MPV17L: variants seen among roughly 807,000 people sequenced by gnomAD.
MPV17L encodes the protein mpv17-like protein.
In MPV17L, 24 loss-of-function variants were observed where a neutral mutation model predicts 25.8. That is an observed-to-expected ratio of 0.93 (90% CI 0.67 to 1.31). The LOEUF is 1.31. Among genes scored for constraint, MPV17L ranks in the 50% most tolerant of loss-of-function variants. MPV17L has a pLI of 0.00. For synonymous variants in MPV17L, 102 were observed against 115.3 expected, an observed-to-expected ratio of 0.88 and a Z score of 0.74; for missense variants, 250 against 265.6, an observed-to-expected ratio of 0.94 and a Z score of 0.41.
chr16:15,408,512 T>C lies in MPV17L; in HGVS notation c.*400T>C, dbSNP rs1219212034. On this transcript the variant is annotated 3_prime_UTR_variant, in exon 4 of 4. Transcript: ENST00000396385. ...CAAAAAATAGTTCTTAGAGTGAATT[T>C]TAATTTACATAGAACTCAATCGAAA... is the stretch of plus-strand genomic sequence containing the variant. The C allele has an allele frequency of 1.3e-5, 2 of 157,780 alleles. No homozygotes were observed. Among genetic ancestry groups the C allele is most frequent in the African/African-American group, 4.8e-5 (2 of 41,612 alleles). 9.8% of individuals were successfully genotyped at this position (157,780 alleles called of 1,614,324 possible). A position where few individuals can be genotyped will look rare whatever the true frequency, so the allele number is the denominator to read the frequency against.
intron 1 of MPV17L, chr16:15,399,314 A>G (rs151319233): frequency 4.7e-6 from 2 of 426,176 alleles, no homozygotes; most frequent in Admixed American, 5.4e-5. Flanking sequence ...CCTCCTAATC[A>G]GGGATTGGAA....
In MPV17L at chr16:15,408,115, A is replaced by G; in HGVS notation, c.*3A>G. On this transcript the variant is annotated 3_prime_UTR_variant, in exon 4 of 4. Coordinates refer to ENST00000396385, the MANE Select transcript of MPV17L (RefSeq NM_001128423.2). ...CAGAAGGGTACCCGAAGAAATGAGA[A>G]GTCAAGGACTCTCTTAAAGGGACCA... 1 of 1,583,748 alleles carries G rather than the reference A, an allele frequency of 6.3e-7. No homozygotes were observed. The highest frequency in any genetic ancestry group is 1.1e-5 in the South Asian group (1 of 87,932).
rs115983916 is a variant in MPV17L at position 15,402,337 on chromosome 16, T to C, written c.381+1480T>C. Among the ~76,000 whole-genome samples, 308 of 152,328 alleles carry C rather than the reference T, an allele frequency of 2.0e-3. 2 individuals carry two copies. The highest frequency in any genetic ancestry group is 7.3e-3 in the African/African-American group (303 of 41,588). On this transcript the variant is annotated intron_variant, in intron 2 of 3. Coordinates refer to ENST00000396385, the MANE Select transcript of MPV17L (RefSeq NM_001128423.2). The stretch of plus-strand genomic sequence containing the variant: ...GCATTCATCACAAGGAGGTAAATCT[T>C]TGGGATTACAGAATGTTCGCAGACT...
At position 15,396,272 on chromosome 16, in the gene MPV17L, G is replaced by A. The variant is rs186359596; in HGVS notation, c.310+65G>A. 1.1e-4 allele frequency: 168 copies of A among 1,517,454 alleles called. No individual in the cohort carries two copies. In the Admixed American group the frequency reaches 1.6e-3, roughly 14 times the overall value. 94.0% of individuals were successfully genotyped at this position (1,517,454 alleles called of 1,614,324 possible). Reference sequence around the variant, plus strand: ...ATTGGGGGACTGGAGGCTGGGACTCGGGGATCAAGCGGCTGGAGGGAGGGC... The same window carrying A: ...ATTGGGGGACTGGAGGCTGGGACTCAGGGATCAAGCGGCTGGAGGGAGGGC... On this transcript the variant is annotated intron_variant, in intron 1 of 3. Coordinates refer to ENST00000396385, the MANE Select transcript of MPV17L (RefSeq NM_001128423.2).
At chr16:15,397,239 A>C (rs1250685876) in intron 1 of MPV17L, among the ~76,000 whole-genome samples, 36 of 152,148 alleles carry the variant, frequency 2.4e-4, no homozygotes, top group Admixed American at 2.3e-3. Context: ...ATGCTAGCAC[A>C]TAGGCTGCAT....
intron 1 of MPV17L, among the ~76,000 whole-genome samples, chr16:15,397,633 C>T (rs546300137): frequency 6.6e-6 from 1 of 152,096 alleles, no homozygotes; most frequent in African/African-American, 2.4e-5. Flanking sequence ...AGATCTCCCC[C>T]CAAATGGGAG....
rs761903370 is a variant in MPV17L at position 15,411,867 on chromosome 16, G to T, written c.*3755G>T. ...CTCAGGTGGCTGAGACAGGAGAATCGCTTGAACCTGGGAGGCATAGGTTGT... is the reference window on the plus strand; with the variant it reads ...CTCAGGTGGCTGAGACAGGAGAATCTCTTGAACCTGGGAGGCATAGGTTGT... On this transcript the variant is annotated 3_prime_UTR_variant, in exon 4 of 4. Coordinates refer to ENST00000396385, the MANE Select transcript of MPV17L (RefSeq NM_001128423.2). The T allele has an allele frequency of 2.0e-5, 3 of 152,264 alleles. No homozygotes were observed. Among genetic ancestry groups the T allele is most frequent in the African/African-American group, 4.8e-5 (2 of 41,544 alleles). 9.4% of individuals were successfully genotyped at this position (152,264 alleles called of 1,614,324 possible). A position where few individuals can be genotyped will look rare whatever the true frequency, so the allele number is the denominator to read the frequency against.
intron 2 of MPV17L, 96 bp from the exon 3 acceptor site, chr16:15,407,728 T>G (rs1442463266): frequency 8.2e-7 from 1 of 1,216,488 alleles, no homozygotes; most frequent in Non-Finnish European, 1.1e-6. Flanking sequence ...GGCAACAGAG[T>G]GAGACCCTGT....
chr16:15,399,632 T>C (rs2050616904), intron 1 of MPV17L: 1 of 237,422 alleles, frequency 4.2e-6, no homozygotes, highest in South Asian at 4.6e-5. Context: ...TGAATTTCTC[T>C]TCAGGGATAT....
At chr16:15,407,442 G>C (rs1471060384) in intron 2 of MPV17L, among the ~76,000 whole-genome samples, 1 of 152,024 alleles carries the variant, frequency 6.6e-6, no homozygotes, top group Non-Finnish European at 1.5e-5. Context: ...ATTGTTTTGT[G>C]TGGTTAAAAG....
rs2050731874 is a variant in MPV17L at position 15,411,332 on chromosome 16, A to G, written c.*3220A>G. The stretch of plus-strand genomic sequence containing the variant: ...GTGGTATCACTTTTATGATAGAAGA[A>G]TAGTGTTTGCATTTTGTATAAAAGT... On this transcript the variant is annotated 3_prime_UTR_variant, in exon 4 of 4. Transcript: ENST00000396385. 6.6e-6 allele frequency: 1 copy of G among 152,220 alleles called. No individual in the cohort carries two copies. The highest frequency in any genetic ancestry group is 2.1e-4 in the South Asian group (1 of 4,836). 9.4% of individuals were successfully genotyped at this position (152,220 alleles called of 1,614,324 possible). A position where few individuals can be genotyped will look rare whatever the true frequency, so the allele number is the denominator to read the frequency against.
intron 1 of MPV17L, among the ~76,000 whole-genome samples, chr16:15,396,840 A>G (rs2050590637): frequency 6.6e-6 from 1 of 152,126 alleles, no homozygotes; most frequent in Non-Finnish European, 1.5e-5. Flanking sequence ...GGTCTCACGG[A>G]AAACATCAAG....
chr16:15,404,826 C>A (rs1162163952), intron 2 of MPV17L, among the ~76,000 whole-genome samples: 1 of 151,770 alleles, frequency 6.6e-6, no homozygotes, highest in Non-Finnish European at 1.5e-5. Flanking sequence ...CATCTCAAAA[C>A]AAACAAACAA....
chr16:15,403,126 T>C (rs2050651527), intron 2 of MPV17L, among the ~76,000 whole-genome samples: 2 of 151,546 alleles, frequency 1.3e-5, no homozygotes, highest in Non-Finnish European at 2.9e-5. Flanking sequence ...TCCCAACACT[T>C]TGGGAGGTGG....
chr16:15,396,426 G>C (rs2050584870), intron 1 of MPV17L, among the ~76,000 whole-genome samples: 1 of 152,196 alleles, frequency 6.6e-6, no homozygotes. Flanking sequence ...GGAGGCACTG[G>C]CTGGGGAGCC....
chr16:15,407,445 G>T (rs1175800404), intron 2 of MPV17L, among the ~76,000 whole-genome samples: 1 of 151,982 alleles, frequency 6.6e-6, no homozygotes, highest in Non-Finnish European at 1.5e-5. Flanking sequence ...GTTTTGTGTG[G>T]TTAAAAGGTA....
chr16:15,398,361 T>A (rs566736325), intron 1 of MPV17L, among the ~76,000 whole-genome samples: 11 of 152,074 alleles, frequency 7.2e-5, no homozygotes, highest in African/African-American at 2.2e-4. Context: ...AATACTCTCA[T>A]ATTACAAATG....
intron 2 of MPV17L, among the ~76,000 whole-genome samples, chr16:15,402,423 T>C (rs558835567): frequency 1.3e-5 from 2 of 152,278 alleles, no homozygotes; most frequent in South Asian, 4.1e-4. Flanking sequence ...CACACCCAGC[T>C]ATTACCTCCA....
At chr16:15,407,328 A>G (rs531569032) in intron 2 of MPV17L, among the ~76,000 whole-genome samples, 8 of 152,258 alleles carry the variant, frequency 5.3e-5, no homozygotes, top group African/African-American at 1.7e-4. Context: ...CTCACTCTAG[A>G]GGCCTTAAGT....
Sources: allele counts gnomAD v4.1 joint callset (sites outside exome capture counted in the v4.1 genomes callset), GRCh38; gene constraint gnomAD v4.1.1; transcripts MANE v1.5; gene names NCBI Gene and HGNC (gene_info 2026-07-23, HGNC 2026-07-21).